The following TMEM132B variants were observed in gnomAD, a reference collection of about 807,000 sequenced individuals.
TMEM132B encodes the protein transmembrane protein 132B.
In TMEM132B, 18 loss-of-function variants were observed where a neutral mutation model predicts 90.8. The ratio of observed to expected loss-of-function variants is 0.20; its 90% CI spans 0.14 to 0.29. The LOEUF is 0.29. Ranked by LOEUF, TMEM132B falls within the 10% of genes least tolerant of loss-of-function variation. The pLI is 1.00. For missense variants in TMEM132B, 1,096 were observed against 1,326.8 expected (o/e 0.83, Z 2.70); for synonymous variants, 504 against 523.3 (o/e 0.96, Z 0.50).
intron 3 of TMEM132B, among the ~76,000 whole-genome samples, chr12:125,470,781 G>A (rs1881694950): frequency 6.6e-6 from 1 of 152,140 alleles, no homozygotes; most frequent in Non-Finnish European, 1.5e-5. Context: ...TATGCTCATG[G>A]GTCAGAATAA....
intron 3 of TMEM132B, among the ~76,000 whole-genome samples, chr12:125,443,456 T>G (rs149123787): frequency 1.7e-3 from 253 of 152,244 alleles, no homozygotes; most frequent in African/African-American, 5.7e-3. Flanking sequence ...GGGGAGGGCC[T>G]TGATTTGGTC....
At chr12:125,339,490 G>A (rs1877099132) in intron 1 of TMEM132B, among the ~76,000 whole-genome samples, 2 of 152,204 alleles carry the variant, frequency 1.3e-5, no homozygotes, top group Non-Finnish European at 2.9e-5. Flanking sequence ...AGCAAGAGGA[G>A]TAACTAAATT....
At chr12:125,625,240 C>T (rs2136979887) in intron 5 of TMEM132B, among the ~76,000 whole-genome samples, 1 of 148,652 alleles carries the variant, frequency 6.7e-6, no homozygotes, top group South Asian at 2.2e-4. Context: ...TCACGCCATT[C>T]TCCTGCCTCA....
At chr12:125,311,813 T>C (rs1876132297) in intron 1 of TMEM132B, among the ~76,000 whole-genome samples, 1 of 152,124 alleles carries the variant, frequency 6.6e-6, no homozygotes, top group Non-Finnish European at 1.5e-5. Context: ...TTCAGTAGCA[T>C]GATATTTCCT....
chr12:125,439,380 T>G (rs1157450856), intron 3 of TMEM132B, among the ~76,000 whole-genome samples: 1 of 152,198 alleles, frequency 6.6e-6, no homozygotes, highest in Non-Finnish European at 1.5e-5. Flanking sequence ...TAGACCTCTT[T>G]CACCTCCATA....
intron 5 of TMEM132B, among the ~76,000 whole-genome samples, chr12:125,623,536 A>G (rs1029346313): frequency 6.6e-6 from 1 of 152,036 alleles, no homozygotes; most frequent in African/African-American, 2.4e-5. Flanking sequence ...AGGTCAGGTT[A>G]TGGGGGTCAT....
intron 5 of TMEM132B, among the ~76,000 whole-genome samples, chr12:125,593,220 A>G (rs1885361313): frequency 6.6e-6 from 1 of 152,080 alleles, no homozygotes; most frequent in Admixed American, 6.6e-5. Context: ...TTCTAATTGG[A>G]GATGTGTCAT....
intron 1 of TMEM132B, among the ~76,000 whole-genome samples, chr12:125,330,878 C>CA (rs1057196730): frequency 3.9e-5 from 6 of 152,192 alleles, no homozygotes; most frequent in Admixed American, 2.6e-4. Context: ...CTCATCTCCA[C>CA]AAAAAATAAA....
chr12:125,264,156 G>T (rs370968440), intron 1 of TMEM132B, among the ~76,000 whole-genome samples: 7 of 151,994 alleles, frequency 4.6e-5, no homozygotes, highest in Non-Finnish European at 1.0e-4. Context: ...CCCTTCCTCC[G>T]TCTTGAAAGC....
At chr12:125,338,438 C>T (rs1224855649) in intron 1 of TMEM132B, among the ~76,000 whole-genome samples, 3 of 152,138 alleles carry the variant, frequency 2.0e-5, no homozygotes, top group African/African-American at 4.8e-5. Context: ...AACTCAGTGT[C>T]GAGGAGTTGC....
chr12:125,559,667 T>C (rs1460815739), intron 4 of TMEM132B, among the ~76,000 whole-genome samples: 1 of 152,062 alleles, frequency 6.6e-6, no homozygotes, highest in Non-Finnish European at 1.5e-5. Context: ...AGCGGCATGG[T>C]GGCTCTGGAA....
chr12:125,300,918 CT>C (rs1402650900), intron 1 of TMEM132B: 2 of 152,100 alleles, frequency 1.3e-5, no homozygotes, highest in African/African-American at 4.8e-5. Context: ...TGACAGCTTT[CT>C]CGGTGACTTC....
intron 3 of TMEM132B, among the ~76,000 whole-genome samples, chr12:125,427,705 T>G (rs1593140842): frequency 6.6e-6 from 1 of 152,322 alleles, no homozygotes; most frequent in East Asian, 1.9e-4. Flanking sequence ...TCATGCACTG[T>G]AGGTCCTTTG....
intron 5 of TMEM132B, among the ~76,000 whole-genome samples, chr12:125,594,608 T>G (rs1036186642): frequency 1.3e-5 from 2 of 152,214 alleles, no homozygotes; most frequent in African/African-American, 4.8e-5. Flanking sequence ...ATTTTGGTTT[T>G]AATTTGCATA....
At chr12:125,187,238 G>A (rs1957765518) in intron 1 of TMEM132B, among the ~76,000 whole-genome samples, 1 of 152,148 alleles carries the variant, frequency 6.6e-6, no homozygotes, top group Non-Finnish European at 1.5e-5. Context: ...TTTGCTGGGC[G>A]GGGGCGTCGA....
chr12:125,645,424 C>G (rs559880767), intron 6 of TMEM132B, among the ~76,000 whole-genome samples: 2 of 152,204 alleles, frequency 1.3e-5, no homozygotes, highest in South Asian at 4.2e-4. Flanking sequence ...CAACTGGTAG[C>G]AGAAGGGGAA....
chr12:125,593,977 T>C (rs1476290464), intron 5 of TMEM132B, among the ~76,000 whole-genome samples: 2 of 152,204 alleles, frequency 1.3e-5, no homozygotes, highest in Admixed American at 6.5e-5. Context: ...TTCATGAGTG[T>C]GAAATTATCA....
intron 4 of TMEM132B, among the ~76,000 whole-genome samples, chr12:125,527,771 G>C (rs373363100): frequency 6.7e-6 from 1 of 149,778 alleles, no homozygotes; most frequent in Non-Finnish European, 1.5e-5. Flanking sequence ...TTCCATCTAC[G>C]CATCTACTTT....
Position 125,472,338 on chromosome 12 carries a change from G to A in TMEM132B, c.1107-47101G>A, listed in dbSNP as rs559340020. 2.6e-4 allele frequency among the ~76,000 whole-genome samples: 40 copies of A among 152,300 alleles called. No individual in the cohort carries two copies. The East Asian group carries it at 7.5e-3, about 29-fold the overall frequency. On this transcript the variant is annotated intron_variant, in intron 3 of 8. Transcript: ENST00000682704. The stretch of plus-strand genomic sequence containing the variant: ...TGTGATAATCACAGATGATTTTAAA[G>A]TTAGAACGGCCTCTGCATTTTCAGC...
Sources: gnomAD v4.1 joint callset for allele counts (sites outside exome capture counted in the v4.1 genomes callset) on GRCh38, gnomAD v4.1.1 for gene constraint, MANE v1.5 for transcripts, NCBI Gene and HGNC (gene_info 2026-07-23, HGNC 2026-07-21) for gene names.